ATXN1L: variants seen among roughly 807,000 people sequenced by gnomAD.
The protein encoded by ATXN1L is ataxin 1 like.
Under a neutral mutation model 43.4 loss-of-function variants are expected in ATXN1L, and 8 were observed. The ratio of observed to expected loss-of-function variants is 0.18; its 90% CI spans 0.11 to 0.33. The LOEUF is 0.33. Among genes scored for constraint, ATXN1L ranks in the 10% least tolerant of loss-of-function variants. ATXN1L has a pLI of 1.00. For missense variants in ATXN1L, 856 were observed against 885.4 expected, an observed-to-expected ratio of 0.97 and a Z score of 0.42; for synonymous variants, 379 against 360.6, an observed-to-expected ratio of 1.05 and a Z score of -0.58.
intron 1 of ATXN1L, 94 bp from the exon 2 acceptor site, chr16:71,847,916 A>G (rs2033460112): frequency 2.4e-6 from 1 of 408,366 alleles, no homozygotes; most frequent in African/African-American, 2.1e-5. Context: ...AAGGACGTGT[A>G]TACTCTAATG....
chr16:71,847,915 T>C (rs1169283826), intron 1 of ATXN1L, 95 bp from the exon 2 acceptor site: 1 of 407,716 alleles, frequency 2.5e-6, no homozygotes, highest in African/African-American at 2.1e-5. Flanking sequence ...CAAGGACGTG[T>C]ATACTCTAAT....
chr16:71,848,690 TAA>T (rs60536077), intron 2 of ATXN1L, among the ~76,000 whole-genome samples: 3 of 149,022 alleles, frequency 2.0e-5, no homozygotes, highest in African/African-American at 2.5e-5. Context: ...AGCAAAGTCT[TAA>T]AAAAAAAAAC....
At position 71,851,009 on chromosome 16, in the gene ATXN1L, T is replaced by G. The variant is rs774823153; in HGVS notation, c.1269T>G (p.Thr423=). The change falls in exon 3 of 3, where the codon ACT becomes ACG. Residue 423 remains threonine (T), a synonymous_variant. Coordinates refer to ENST00000427980, the MANE Select transcript of ATXN1L (RefSeq NM_001137675.4). The surrounding 1 kb of genome is among the most constrained non-coding windows in gnomAD (Gnocchi z 4.9). The stretch of plus-strand genomic sequence containing the variant: ...TAGCCAATGGCAACCTGGTGCCCAC[T>G]GGAACTGACTCAGGCCTGCTGCCTG... The part of the protein sequence containing the change: ...MVVANGNLVP[T]GTDSGLLPVG... 4 of 1,551,684 alleles carry G rather than the reference T, an allele frequency of 2.6e-6. No homozygotes were observed. In the South Asian group the frequency reaches 4.8e-5, roughly 18 times the overall value.
intron 2 of ATXN1L, among the ~76,000 whole-genome samples, chr16:71,848,813 A>T (rs2033468975): frequency 6.6e-6 from 1 of 152,122 alleles, no homozygotes; most frequent in Admixed American, 6.5e-5. Flanking sequence ...AGTAGGTGAG[A>T]TCATAACCCA....
At position 71,851,768 on chromosome 16, in the gene ATXN1L, G is replaced by C. The variant is rs936454315; in HGVS notation, c.2028G>C (p.Glu676Asp). The C allele has an allele frequency of 4.8e-6, 7 of 1,444,640 alleles. No homozygotes were observed. The highest frequency in any genetic ancestry group is 1.4e-5 in the African/African-American group (1 of 69,802). The allele number at this position is 1,444,640 out of a possible 1,614,324, so 89.5% of individuals were successfully genotyped here. A position where few individuals can be genotyped will look rare whatever the true frequency, so the allele number is the denominator to read the frequency against. ...TCCGTCCCTCTTTCATTCCACAGGAGGTAAAGCTGTCCATTGAAGGGCGTT... is the reference window on the plus strand; with the variant it reads ...TCCGTCCCTCTTTCATTCCACAGGACGTAAAGCTGTCCATTGAAGGGCGTT... ...ALLRPSFIPQ[E>D]VKLSIEGRSN... The change falls in exon 3 of 3, where the codon GAG (glutamate) becomes GAC (aspartate). Residue 676 changes from glutamate to aspartate, a missense_variant. Glu to Asp is a conservative substitution (Grantham distance 45). Coordinates refer to ENST00000427980, the MANE Select transcript of ATXN1L (RefSeq NM_001137675.4). This position sits in a 1 kb window ranked among gnomAD's most constrained non-coding sequence, Gnocchi z 4.9.
chr16:71,850,171 A>G lies in ATXN1L; in HGVS notation c.431A>G (p.Tyr144Cys), dbSNP rs2033483120. The G allele has an allele frequency of 6.4e-7, 1 of 1,551,494 alleles. No individual in the cohort carries two copies. The highest frequency in any genetic ancestry group is 1.4e-5 in the African/African-American group (1 of 72,990). The stretch of plus-strand genomic sequence containing the variant: ...TCGCTGCAGTTCATTGGGTCTCCTT[A>G]TAGCCTTCCCTATGCTGTGCCACCT... ...STSLQFIGSPYSLPYAVPPNF... is the reference protein window; with the variant it reads ...STSLQFIGSPCSLPYAVPPNF... The change falls in exon 3 of 3, where the codon TAT becomes TGT. Residue 144 changes from tyrosine to cysteine, a missense_variant. Tyr to Cys is a radical substitution (Grantham distance 194). Around this residue, in one of 7 missense-constraint regions of ATXN1L, gnomAD observed 490 missense variants for 449.4 expected, o/e 1.09. Coordinates refer to ENST00000427980, the MANE Select transcript of ATXN1L (RefSeq NM_001137675.4).
rs1397992353 is a variant in ATXN1L, at chr16:71,851,246, G to C, written c.1506G>C (p.Gly502=). The C allele has an allele frequency of 6.4e-7, 1 of 1,551,546 alleles. No homozygotes were observed. The highest frequency in any genetic ancestry group is 2.4e-5 in the East Asian group (1 of 40,926). The change falls in exon 3 of 3, where the codon GGG becomes GGC. Residue 502 remains glycine, a synonymous_variant. Coordinates refer to ENST00000427980, the MANE Select transcript of ATXN1L (RefSeq NM_001137675.4). The surrounding 1 kb of genome is among the most constrained non-coding windows in gnomAD (Gnocchi z 4.9). ...DFVRSAEVSG[G]LKIDSSTVVD... ...TGCGCAGTGCCGAAGTGAGCGGGGG[G>C]CTGAAGATTGACTCTAGCACGGTCG...
Position 71,851,043 on chromosome 16 carries a change from G to A in ATXN1L, c.1303G>A (p.Glu435Lys), listed in dbSNP as rs1320159796. 2 of 1,551,626 alleles carry A rather than the reference G, an allele frequency of 1.3e-6. No homozygotes were observed. The highest frequency in any genetic ancestry group is 1.7e-6 in the Non-Finnish European group (2 of 1,146,982). The change falls in exon 3 of 3, where the codon GAG (glutamate) becomes AAG (lysine). Residue 435 changes from glutamate (E) to lysine (K), a missense_variant. Glu to Lys is a moderately conservative substitution (Grantham distance 56, BLOSUM62 1). Transcript: ENST00000427980. The surrounding 1 kb of genome is among the most constrained non-coding windows in gnomAD (Gnocchi z 4.9). ...TDSGLLPVGS[E>K]ILVASSLDVQ... ...CTCAGGCCTGCTGCCTGTGGGCTCG[G>A]AGATCCTGGTAGCATCAAGTCTGGA...
rs1300641743 is a variant in ATXN1L at position 71,849,846 on chromosome 16, C to T, written c.106C>T (p.His36Tyr). Residue 36 changes from histidine to tyrosine, a missense_variant, in exon 3 of 3, where the codon CAC becomes TAC. Around this residue, in one of 7 missense-constraint regions of ATXN1L, gnomAD observed 93 missense variants for 113.4 expected, o/e 0.82. Transcript: ENST00000427980. ...GAGAACTACCAGCTGCTCCACTAAC[C>T]ACACACCCTCCAGTGATGCTTCTGA... is the stretch of plus-strand genomic sequence containing the variant. ...MGRTTSCSTN[H>Y]TPSSDASEWS... 2 of 1,551,444 alleles carry T rather than the reference C, an allele frequency of 1.3e-6. No homozygotes were observed. Among genetic ancestry groups the T allele is most frequent in the Non-Finnish European group, 1.7e-6 (2 of 1,146,862 alleles).
rs1167690615 is a variant in ATXN1L, at chr16:71,855,666, GT to G, written c.*3857del. On this transcript the variant is annotated 3_prime_UTR_variant, in exon 3 of 3. Transcript: ENST00000427980. ...ATGGATTGACTGGGAAAAGGCCTGG[GT>G]CCATTGGAGTAAAGATAACCTAGTC... 1 of 167,144 alleles carries G rather than the reference GT, an allele frequency of 6.0e-6. No homozygotes were observed. The highest frequency in any genetic ancestry group is 2.4e-5 in the African/African-American group (1 of 41,452). The allele number at this position is 167,144 out of a possible 1,614,324, so 10.4% of individuals were successfully genotyped here.
chr16:71,849,345 G>A (rs532306035), intron 2 of ATXN1L, among the ~76,000 whole-genome samples: 3 of 151,902 alleles, frequency 2.0e-5, no homozygotes, highest in East Asian at 3.9e-4. Context: ...CCGTGAAGCT[G>A]TTGGTCTCCC....
Position 71,851,384 on chromosome 16 carries a change from T to C in ATXN1L, c.1644T>C (p.Tyr548=). ...EVPPEHPFFV[Y]GQGWSSCSPG... ...CCCCCGAGCACCCCTTCTTTGTATA[T>C]GGCCAGGGTTGGTCCTCTTGCAGCC... Residue 548 remains tyrosine, a synonymous_variant, in exon 3 of 3, where the codon TAT becomes TAC. Transcript: ENST00000427980. This position sits in a 1 kb window ranked among gnomAD's most constrained non-coding sequence, Gnocchi z 4.9. 1 of 1,551,548 alleles carries C rather than the reference T, an allele frequency of 6.4e-7. No individual in the cohort carries two copies. The highest frequency in any genetic ancestry group is 8.7e-7 in the Non-Finnish European group (1 of 1,146,962).
chr16:71,847,989 A>T, intron 1 of ATXN1L, 21 bp from the exon 2 acceptor site: 1 of 455,748 alleles, frequency 2.2e-6, no homozygotes. Context: ...CGCTTACTCC[A>T]TTCCTGTTTC....
intron 2 of ATXN1L, 80 bp downstream of exon 2, chr16:71,848,151 T>C (rs1013554043): frequency 2.5e-5 from 11 of 442,218 alleles, no homozygotes; most frequent in Middle Eastern, 6.8e-4. Flanking sequence ...GAATGTAATA[T>C]AGAAAGCTCT....
Position 71,851,593 on chromosome 16 carries a change from T to G in ATXN1L, c.1853T>G (p.Leu618Arg). 6.5e-7 allele frequency: 1 copy of G among 1,545,960 alleles called. No homozygotes were observed. Among genetic ancestry groups the G allele is most frequent in the East Asian group, 2.5e-5 (1 of 40,638 alleles). The change falls in exon 3 of 3, where the codon CTA (leucine) becomes CGA (arginine). Residue 618 changes from leucine (L) to arginine (R), a missense_variant. By Grantham distance (102) the Leu-to-Arg change is moderately radical (BLOSUM62 -2). This residue lies in a region of ATXN1L where 185 missense variants were observed against 176.8 expected (regional missense o/e 1.05). Transcript: ENST00000427980. The surrounding 1 kb of genome is among the most constrained non-coding windows in gnomAD (Gnocchi z 4.9). ...PERTVLGSRE[L>R]CDSEGKSQPA... ...AGGACGGTCTTGGGATCCAGAGAGC[T>G]ATGTGACAGTGAGGGGAAGAGCCAG...
At position 71,850,578 on chromosome 16, in the gene ATXN1L, G is replaced by A. The variant is rs756919884; in HGVS notation, c.838G>A (p.Val280Ile). The A allele has an allele frequency of 1.0e-5, 16 of 1,551,644 alleles. No individual in the cohort carries two copies. The highest frequency in any genetic ancestry group is 3.9e-5 in the Admixed American group (2 of 50,988). ...ACAGAGACCACGAGAGCGAAATTTAGTAAGACGGGAAAGTGAAGCCCTTGA... is the reference window on the plus strand; with the variant it reads ...ACAGAGACCACGAGAGCGAAATTTAATAAGACGGGAAAGTGAAGCCCTTGA... ...GGQRPRERNL[V>I]RRESEALDSP... Residue 280 changes from valine (V) to isoleucine (I), a missense_variant, in exon 3 of 3, where the codon GTA (valine) becomes ATA (isoleucine). By Grantham distance (29) the Val-to-Ile change is conservative. Transcript: ENST00000427980.
At chr16:71,847,937 A>G in intron 1 of ATXN1L, 73 bp from the exon 2 acceptor site, 1 of 441,108 alleles carries the variant, frequency 2.3e-6, no homozygotes, top group Non-Finnish European at 4.5e-6. Context: ...CTTTGGAATT[A>G]CCTTTCATGG....
chr16:71,852,311 G>C lies in ATXN1L; in HGVS notation c.*501G>C, dbSNP rs966482922. On this transcript the variant is annotated 3_prime_UTR_variant, in exon 3 of 3. Coordinates refer to ENST00000427980, the MANE Select transcript of ATXN1L (RefSeq NM_001137675.4). ...AGGGTTCCCACCCAGAACCCTTCTT[G>C]TGAGAGATGCGCACTTTAAAGGGTG... is the stretch of plus-strand genomic sequence containing the variant. The C allele has an allele frequency of 6.0e-6, 1 of 167,254 alleles. No individual in the cohort carries two copies. The highest frequency in any genetic ancestry group is 6.5e-5 in the Admixed American group (1 of 15,290). 10.4% of individuals were successfully genotyped at this position (167,254 alleles called of 1,614,324 possible). A position where few individuals can be genotyped will look rare whatever the true frequency, so the allele number is the denominator to read the frequency against.
Position 71,851,189 on chromosome 16 carries a change from G to A in ATXN1L, c.1449G>A (p.Lys483=), listed in dbSNP as rs751342695. The A allele has an allele frequency of 4.4e-5, 69 of 1,551,562 alleles. No individual in the cohort carries two copies. The highest frequency in any genetic ancestry group is 1.4e-4 in the Admixed American group (7 of 50,988). Residue 483 remains lysine (K), a synonymous_variant, in exon 3 of 3, where the codon AAG becomes AAA. Transcript: ENST00000427980. This position sits in a 1 kb window ranked among gnomAD's most constrained non-coding sequence, Gnocchi z 4.9. ...TCCAGCTGGCTACGGGAGAGCTGAA[G>A]CGGGTGGAGGACCTCCAGACCCAGG... is the stretch of plus-strand genomic sequence containing the variant. The part of the protein sequence containing the change: ...AIIQLATGEL[K]RVEDLQTQDF...
Sources: gnomAD v4.1 joint callset for allele counts (sites outside exome capture counted in the v4.1 genomes callset) on GRCh38, gnomAD v4.1.1 for gene constraint, gnomAD v4.1.1 regional missense constraint, Gnocchi (gnomAD v3.1) non-coding constraint, MANE v1.5 for transcripts, NCBI Gene and HGNC (gene_info 2026-07-23, HGNC 2026-07-21) for gene names.